CDH19: variants seen among roughly 807,000 people sequenced by gnomAD.
CDH19 encodes the protein cadherin-19.
In CDH19, 67 loss-of-function variants were observed where a neutral mutation model predicts 64.2. That is an observed-to-expected ratio of 1.04 (90% CI 0.86 to 1.28). CDH19 has a LOEUF of 1.28. Among genes scored for constraint, CDH19 ranks in the 50% most tolerant of loss-of-function variants. The pLI, the probability that CDH19 is intolerant of heterozygous loss-of-function variation, is 0.00. For synonymous variants in CDH19, 346 were observed against 319.3 expected, an observed-to-expected ratio of 1.08 and a Z score of -0.89; for missense variants, 1,030 against 929.0, an observed-to-expected ratio of 1.11 and a Z score of -1.41.
intron 9 of CDH19, among the ~76,000 whole-genome samples, chr18:66,529,239 G>C (rs1986340021): frequency 6.6e-6 from 1 of 151,226 alleles, no homozygotes; most frequent in South Asian, 2.1e-4. Flanking sequence ...ACCTGGTATA[G>C]CAATTAAACG....
intron 8 of CDH19, among the ~76,000 whole-genome samples, chr18:66,533,498 G>C (rs1986536977): frequency 6.6e-6 from 1 of 151,916 alleles, no homozygotes; most frequent in Non-Finnish European, 1.5e-5. Context: ...TAAACTGACA[G>C]AAAATTAATA....
chr18:66,529,950 G>T lies in CDH19; in HGVS notation c.1353C>A (p.Ile451=). ...CTTGCACATACAGTGGGATCGAAGA[G>T]ATCTGTTCTATATTGTCTGCAATTT... ...TATEKYNIEQ[I]SSIPLYVQVL... is the part of the protein sequence containing the mutation. Residue 451 remains isoleucine, a synonymous_variant, in exon 9 of 12, where the codon ATC becomes ATA. Transcript: ENST00000262150. 1 of 1,543,948 alleles carries T rather than the reference G, an allele frequency of 6.5e-7. No individual in the cohort carries two copies. The highest frequency in any genetic ancestry group is 8.9e-7 in the Non-Finnish European group (1 of 1,126,826).
intron 3 of CDH19, among the ~76,000 whole-genome samples, chr18:66,561,646 C>T (rs533351498): frequency 6.6e-6 from 1 of 152,070 alleles, no homozygotes; most frequent in Non-Finnish European, 1.5e-5. Flanking sequence ...AGTGGGGTCA[C>T]TGTGGCTGGA....
intron 5 of CDH19, among the ~76,000 whole-genome samples, chr18:66,548,001 A>G (rs1202115322): frequency 6.8e-6 from 1 of 147,652 alleles, no homozygotes; most frequent in Non-Finnish European, 1.5e-5. Flanking sequence ...TGTGTATTAT[A>G]TATGTAATAT....
chr18:66,554,251 A>C (rs750928000), intron 4 of CDH19, among the ~76,000 whole-genome samples, 154 bp downstream of exon 4: 1 of 152,022 alleles, frequency 6.6e-6, no homozygotes, highest in Non-Finnish European at 1.5e-5. Flanking sequence ...TATCAGCTAA[A>C]AGACTAAAAG....
intron 7 of CDH19, among the ~76,000 whole-genome samples, chr18:66,538,719 G>A (rs1986773803): frequency 6.6e-6 from 1 of 152,088 alleles, no homozygotes; most frequent in Admixed American, 6.6e-5. Context: ...AGTATCAACA[G>A]GGTCATGCTT....
At chr18:66,543,057 G>T (rs191354540) in intron 7 of CDH19, among the ~76,000 whole-genome samples, 1 of 152,076 alleles carries the variant, frequency 6.6e-6, no homozygotes, top group Admixed American at 6.5e-5. Flanking sequence ...ACGGAGTCTC[G>T]CTTTGTCACC....
intron 3 of CDH19, among the ~76,000 whole-genome samples, chr18:66,565,017 C>T: frequency 6.6e-6 from 1 of 151,748 alleles, no homozygotes; most frequent in Non-Finnish European, 1.5e-5. Context: ...TATTTATATC[C>T]TAAACTATTC....
Position 66,544,053 on chromosome 18 carries a change from C to A in CDH19, c.1132G>T (p.Glu378Ter), listed in dbSNP as rs1987002917. 4 of 1,613,856 alleles carry A rather than the reference C, an allele frequency of 2.5e-6. No individual in the cohort carries two copies. The highest frequency in any genetic ancestry group is 3.4e-6 in the Non-Finnish European group (4 of 1,179,794). Reference sequence around the variant, plus strand: ...CCCTGTGGGGTTTCTTCAAAAACTTCAAATACATAATATGGAAGGAGGAAA... The same window carrying A: ...CCCTGTGGGGTTTCTTCAAAAACTTAAAATACATAATATGGAAGGAGGAAA... ...PLFLLPYYVF[E>*]VFEETPQGSF... Residue 378 changes from glutamate to a stop codon, truncating the protein, a stop_gained, in exon 7 of 12, where the codon GAA (glutamate) becomes TAA (stop). Coordinates refer to ENST00000262150, the MANE Select transcript of CDH19 (RefSeq NM_021153.4). LOFTEE classifies it high-confidence loss of function.
intron 2 of CDH19, among the ~76,000 whole-genome samples, chr18:66,570,152 AT>A (rs1988056627): frequency 6.6e-6 from 1 of 151,622 alleles, no homozygotes; most frequent in African/African-American, 2.4e-5. Flanking sequence ...TATGGTTCAT[AT>A]TTTTAAATTA....
chr18:66,568,308 G>A (rs1168893197), intron 3 of CDH19, 108 bp downstream of exon 3: 4 of 779,156 alleles, frequency 5.1e-6, no homozygotes, highest in Non-Finnish European at 8.0e-6. Context: ...ATTTGTAGAA[G>A]GAAGTTCTAG....
intron 9 of CDH19, among the ~76,000 whole-genome samples, chr18:66,519,738 C>CA (rs1222538184): frequency 6.6e-6 from 1 of 151,944 alleles, no homozygotes; most frequent in Non-Finnish European, 1.5e-5. Context: ...AACAAAGAAA[C>CA]AAAAAACAAA....
chr18:66,516,157 T>C (rs1985727799), intron 9 of CDH19, among the ~76,000 whole-genome samples: 1 of 151,904 alleles, frequency 6.6e-6, no homozygotes, highest in African/African-American at 2.4e-5. Flanking sequence ...TTTGACTTTA[T>C]ACTGAGGGAC....
At position 66,572,199 on chromosome 18, in the gene CDH19, G is replaced by C; in HGVS notation, c.6C>G (p.Asn2Lys). 2 of 1,607,902 alleles carry C rather than the reference G, an allele frequency of 1.2e-6. No homozygotes were observed. The highest frequency in any genetic ancestry group is 1.7e-6 in the Non-Finnish European group (2 of 1,175,796). The part of the protein sequence containing the change: M[N>K]CYLLLRFMLG... ...ACATAAAACGCAGCAGTAAATAACAGTTCATTGCGTTGACTCTTTTGATTC... is the reference window on the plus strand; with the variant it reads ...ACATAAAACGCAGCAGTAAATAACACTTCATTGCGTTGACTCTTTTGATTC... Residue 2 changes from asparagine to lysine, a missense_variant, in exon 2 of 12, where the codon AAC becomes AAG. Coordinates refer to ENST00000262150, the MANE Select transcript of CDH19 (RefSeq NM_021153.4).
At chr18:66,565,119 G>T (rs940597120) in intron 3 of CDH19, among the ~76,000 whole-genome samples, 12 of 151,638 alleles carry the variant, frequency 7.9e-5, no homozygotes, top group Non-Finnish European at 1.5e-4. Flanking sequence ...ATGACTTGTG[G>T]TCTAATAAAT....
In CDH19 at chr18:66,533,213, T is replaced by TACACACACACACACACACACAC. The variant is rs35376051; in HGVS notation, c.1336+1751_1336+1772dup. Among the ~76,000 whole-genome samples the TACACACACACACACACACACAC allele has an allele frequency of 6.0e-5, 9 of 149,056 alleles. No individual in the cohort carries two copies. In the South Asian group the frequency reaches 1.9e-3, roughly 32 times the overall value. The stretch of plus-strand genomic sequence containing the variant: ...AAAAATTAAAATTTCTAGGATTTAT[T>TACACACACACACACACACACAC]ACACACACACACACACACACACACA... On this transcript the variant is annotated intron_variant, in intron 8 of 11. Coordinates refer to ENST00000262150, the MANE Select transcript of CDH19 (RefSeq NM_021153.4).
At chr18:66,528,373 C>G (rs511838) in intron 9 of CDH19, among the ~76,000 whole-genome samples, 1 of 151,904 alleles carries the variant, frequency 6.6e-6, no homozygotes, top group African/African-American at 2.4e-5. Flanking sequence ...ATACTGTACG[C>G]CCATACATTT....
At chr18:66,589,720 G>A (rs116996970) in intron 1 of CDH19, among the ~76,000 whole-genome samples, 2,343 of 151,662 alleles carry the variant, frequency 0.015, 32 homozygotes, top group South Asian at 0.035. Flanking sequence ...ACAATCCTTC[G>A]TGAATGGAAA....
rs192206528 is a variant in CDH19 at position 66,583,179 on chromosome 18, G to A, written c.-112-10863C>T. 9.2e-5 allele frequency among the ~76,000 whole-genome samples: 14 copies of A among 151,778 alleles called. No individual in the cohort carries two copies. The East Asian group carries it at 2.5e-3, about 27-fold the overall frequency. On this transcript the variant is annotated intron_variant, in intron 1 of 11. Transcript: ENST00000262150. ...TATTGTACTTTTTTATGAGCCTTTG[G>A]TGCTCTCAGTGTTATACAAAAATAA...
Sources: allele counts gnomAD v4.1 joint callset (sites outside exome capture counted in the v4.1 genomes callset), GRCh38; gene constraint gnomAD v4.1.1; transcripts MANE v1.5; gene names NCBI Gene and HGNC (gene_info 2026-07-23, HGNC 2026-07-21).